COG1: variants seen among roughly 807,000 people sequenced by gnomAD.
The protein encoded by COG1 is conserved oligomeric Golgi complex subunit 1.
In COG1, 61 loss-of-function variants were observed where a neutral mutation model predicts 102.2. That is an observed-to-expected ratio of 0.60 (90% confidence interval 0.49 to 0.74). COG1 has a LOEUF of 0.74. Among genes scored for constraint, COG1 ranks in the 30% least tolerant of loss-of-function variants. The pLI is 0.00. For synonymous variants in COG1, 454 were observed against 493.6 expected (o/e 0.92, Z 1.06); for missense variants, 1,164 against 1,232.1 (o/e 0.94, Z 0.83).
At position 73,208,400 on chromosome 17, in the gene COG1, G is replaced by A. The variant is rs775097195; in HGVS notation, c.2892G>A (p.Thr964=). Residue 964 remains threonine (T), a synonymous_variant, in exon 14 of 14, where the codon ACG becomes ACA. Transcript: ENST00000299886. ...FRQLVSEEDN[T]SAPSLFKLGW... ...AGCTTGTCAGTGAAGAAGACAACAC[G>A]TCTGCACCTTCATTATTCAAACTTG... 5.6e-6 allele frequency: 9 copies of A among 1,614,232 alleles called. No homozygotes were observed. Among genetic ancestry groups the A allele is most frequent in the Admixed American group, 1.7e-5 (1 of 60,032 alleles).
chr17:73,206,189 T>G lies in COG1; in HGVS notation c.2546T>G (p.Ile849Ser). 1 of 1,614,194 alleles carries G rather than the reference T, an allele frequency of 6.2e-7. No homozygotes were observed. The highest frequency in any genetic ancestry group is 8.5e-7 in the Non-Finnish European group (1 of 1,180,008). ...GTGACTGACCACCTGGAAGCCCTCATTGATCCATTTGACCTGGACGTTTTC... is the reference window on the plus strand; with the variant it reads ...GTGACTGACCACCTGGAAGCCCTCAGTGATCCATTTGACCTGGACGTTTTC... ...EKVTDHLEALIDPFDLDVFTP... is the reference protein window; with the variant it reads ...EKVTDHLEALSDPFDLDVFTP... Residue 849 changes from isoleucine to serine, a missense_variant, in exon 11 of 14, where the codon ATT becomes AGT. Transcript: ENST00000299886.
At chr17:73,196,486 G>C in intron 1 of COG1, 21 bp from the exon 2 acceptor site, 1 of 1,614,118 alleles carries the variant, frequency 6.2e-7, no homozygotes, top group South Asian at 1.1e-5. Flanking sequence ...TTCTGGTTTA[G>C]TTCTGTGCCT....
intron 13 of COG1, 130 bp downstream of exon 13, chr17:73,207,386 G>A (rs1331699268): frequency 3.3e-6 from 3 of 898,486 alleles, no homozygotes; most frequent in South Asian, 1.4e-5. Flanking sequence ...TGCTTTTAAT[G>A]GCGGCGCAAT....
chr17:73,196,297 G>A (rs531312424), intron 1 of COG1, among the ~76,000 whole-genome samples: 4 of 152,170 alleles, frequency 2.6e-5, no homozygotes, highest in East Asian at 3.9e-4. Context: ...AAAAATGCAC[G>A]CGTGTGTAGG....
chr17:73,198,067 G>GC (rs56865511), intron 4 of COG1, among the ~76,000 whole-genome samples: 139,362 of 152,244 alleles, frequency 0.92, 64,441 homozygotes, highest in Non-Finnish European at 0.99. Flanking sequence ...CTTTTAGGTG[G>GC]AATAGATCCC....
intron 1 of COG1, 60 bp downstream of exon 1, chr17:73,193,444 C>CA: frequency 7.3e-7 from 1 of 1,372,942 alleles, no homozygotes; most frequent in Non-Finnish European, 9.4e-7. Flanking sequence ...CCTGGCCTTG[C>CA]AGGTCAACCC....
chr17:73,195,700 G>C (rs112271214), intron 1 of COG1, among the ~76,000 whole-genome samples: 8,326 of 151,964 alleles, frequency 0.055, 258 homozygotes, highest in Middle Eastern at 0.086. Context: ...ATCACTTGAG[G>C]TCAGGAGTTT....
At chr17:73,196,871 C>A (rs1443113086) in intron 2 of COG1, 29 bp from the exon 3 acceptor site, 2 of 1,614,030 alleles carry the variant, frequency 1.2e-6, no homozygotes, top group Non-Finnish European at 1.7e-6. Context: ...TGAAAAACAC[C>A]CTGGCGACTT....
At chr17:73,207,116 G>GAAAAAAA (rs2061379954) in intron 12 of COG1, 65 bp from the exon 13 acceptor site, 1 of 837,730 alleles carries the variant, frequency 1.2e-6, no homozygotes, top group African/African-American at 2.5e-5. Flanking sequence ...AAAAAAAAAT[G>GAAAAAAA]AGGCTTCTGC....
At chr17:73,200,840 T>C in intron 6 of COG1, 64 bp downstream of exon 6, 1 of 1,452,604 alleles carries the variant, frequency 6.9e-7, no homozygotes, top group Non-Finnish European at 9.7e-7. Context: ...TTTGACTGTC[T>C]TGGGAGATTT....
At chr17:73,201,030 T>A in intron 6 of COG1, 79 bp from the exon 7 acceptor site, 3 of 1,326,164 alleles carry the variant, frequency 2.3e-6, no homozygotes, top group Non-Finnish European at 3.2e-6. Flanking sequence ...AATGCTAGGA[T>A]AAATTACCAT....
chr17:73,206,737 G>C lies in COG1; in HGVS notation c.2649G>C (p.Glu883Asp). 3 of 1,612,254 alleles carry C rather than the reference G, an allele frequency of 1.9e-6. No individual in the cohort carries two copies. Among genetic ancestry groups the C allele is most frequent in the Non-Finnish European group, 2.5e-6 (3 of 1,179,770 alleles). ...TGTTTGGATTGGTGACTGGTACAGA[G>C]AATCAGCTCGCCCCCCGGAGCAGTA... ...SVLFGLVTGTENQLAPRSSTF... is the reference protein window; with the variant it reads ...SVLFGLVTGTDNQLAPRSSTF... The change falls in exon 12 of 14, where the codon GAG becomes GAC. Residue 883 changes from glutamate (E) to aspartate (D), a missense_variant. Coordinates refer to ENST00000299886, the MANE Select transcript of COG1 (RefSeq NM_018714.3).
chr17:73,199,650 C>T (rs907253651), intron 4 of COG1, among the ~76,000 whole-genome samples: 3 of 152,174 alleles, frequency 2.0e-5, no homozygotes, highest in African/African-American at 4.8e-5. Flanking sequence ...TCATGGGTCA[C>T]TGCAGCCTCG....
At chr17:73,197,154 G>T (rs959757091) in intron 3 of COG1, 72 bp from the exon 4 acceptor site, 1 of 1,612,870 alleles carries the variant, frequency 6.2e-7, no homozygotes, top group African/African-American at 1.3e-5. Context: ...GGAGACTGAA[G>T]CCTCCAGAGC....
At position 73,201,690 on chromosome 17, in the gene COG1, G is replaced by C; in HGVS notation, c.1863G>C (p.Leu621=). 1 of 1,614,208 alleles carries C rather than the reference G, an allele frequency of 6.2e-7. No individual in the cohort carries two copies. Among genetic ancestry groups the C allele is most frequent in the Non-Finnish European group, 8.5e-7 (1 of 1,180,046 alleles). Residue 621 remains leucine (L), a synonymous_variant, in exon 7 of 14, where the codon CTG becomes CTC. Coordinates refer to ENST00000299886, the MANE Select transcript of COG1 (RefSeq NM_018714.3). ...TCATGGCCAGACTCTGCCAGTCCCT[G>C]GGAGAGCTGTGCCCCCATCTGAAGC... ...VLFMARLCQS[L]GELCPHLKQC... is the part of the protein sequence containing the mutation.
Position 73,201,274 on chromosome 17 carries a change from C to A in COG1, c.1447C>A (p.Leu483Met). 1 of 1,614,246 alleles carries A rather than the reference C, an allele frequency of 6.2e-7. No homozygotes were observed. Among genetic ancestry groups the A allele is most frequent in the Non-Finnish European group, 8.5e-7 (1 of 1,180,044 alleles). Residue 483 changes from leucine to methionine, a missense_variant, in exon 7 of 14, where the codon CTG becomes ATG. Physicochemically the swap from Leu to Met is conservative, Grantham distance 15 (BLOSUM62 2). Transcript: ENST00000299886. ...LFLWSESPNDLPSDAAWVSVA... is the reference protein window; with the variant it reads ...LFLWSESPNDMPSDAAWVSVA... ...CCTCTGGTCTGAGAGTCCTAATGAC[C>A]TGCCTTCCGATGCGGCCTGGGTCAG...
chr17:73,199,165 G>C (rs775657433), intron 4 of COG1, among the ~76,000 whole-genome samples: 2 of 152,156 alleles, frequency 1.3e-5, no homozygotes, highest in Non-Finnish European at 2.9e-5. Flanking sequence ...GTGCAGGCCT[G>C]TCCCCTTCTT....
At chr17:73,203,846 CTTAG>C (rs1325219601) in intron 9 of COG1, 53 bp downstream of exon 9, 7 of 1,599,974 alleles carry the variant, frequency 4.4e-6, no homozygotes, top group Non-Finnish European at 6.0e-6. Flanking sequence ...AAAAGAAAAC[CTTAG>C]CATTGTCTTG....
chr17:73,200,860 C>T (rs2061344098), intron 6 of COG1, 84 bp downstream of exon 6: 3 of 1,248,710 alleles, frequency 2.4e-6, no homozygotes, highest in Non-Finnish European at 3.5e-6. Flanking sequence ...TCTGTCGCTT[C>T]CCAAGTATAT....
Sources: gnomAD v4.1 joint callset for allele counts (sites outside exome capture counted in the v4.1 genomes callset) on GRCh38, gnomAD v4.1.1 for gene constraint, MANE v1.5 for transcripts, NCBI Gene and HGNC (gene_info 2026-07-23, HGNC 2026-07-21) for gene names.